Variants in WDR70 observed in about 807,000 individuals in gnomAD.
WDR70 encodes the protein WD repeat domain 70, also known as WD repeat-containing protein 70.
In WDR70, 53 loss-of-function variants were observed where a neutral mutation model predicts 88.6. That is an observed-to-expected ratio of 0.60 (90% CI 0.48 to 0.75). The LOEUF (loss-of-function observed/expected upper bound fraction) is 0.75, where lower values mean the gene tolerates loss of function less well. Ranked by LOEUF, WDR70 falls within the 30% of genes least tolerant of loss-of-function variation. The pLI, the probability that WDR70 is intolerant of heterozygous loss-of-function variation, is 0.00. For missense variants in WDR70, 610 were observed against 823.2 expected, an observed-to-expected ratio of 0.74 and a Z score of 3.17; for synonymous variants, 280 against 270.0, an observed-to-expected ratio of 1.04 and a Z score of -0.36.
intron 8 of WDR70, among the ~76,000 whole-genome samples, chr5:37,487,615 A>G (rs1238914743): frequency 4.7e-5 from 2 of 42,286 alleles, no homozygotes; most frequent in Non-Finnish European, 6.5e-5. Flanking sequence ...ATATATATAT[A>G]TATATATATG....
intron 13 of WDR70, among the ~76,000 whole-genome samples, chr5:37,717,129 T>C (rs1392773282): frequency 6.6e-6 from 1 of 152,208 alleles, no homozygotes; most frequent in African/African-American, 2.4e-5. Context: ...GAAAATGGGC[T>C]TTGGTTTAAA....
chr5:37,463,406 A>C (rs1476476268), intron 7 of WDR70, among the ~76,000 whole-genome samples: 3 of 152,142 alleles, frequency 2.0e-5, no homozygotes, highest in Admixed American at 1.3e-4. Context: ...CTACAGCAGG[A>C]CACCTTGGCT....
At chr5:37,729,711 G>A (rs1307521389) in intron 17 of WDR70, among the ~76,000 whole-genome samples, 1 of 152,166 alleles carries the variant, frequency 6.6e-6, no homozygotes, top group Non-Finnish European at 1.5e-5. Flanking sequence ...TTGAAATGCA[G>A]TTAGGTTCAT....
chr5:37,647,397 A>T (rs1745268867), intron 10 of WDR70, among the ~76,000 whole-genome samples: 1 of 152,166 alleles, frequency 6.6e-6, no homozygotes, highest in African/African-American at 2.4e-5. Flanking sequence ...TTGGTAAGGC[A>T]ATGTTTTCCT....
chr5:37,476,714 C>G (rs959458580), intron 7 of WDR70, among the ~76,000 whole-genome samples: 2 of 152,132 alleles, frequency 1.3e-5, no homozygotes, highest in African/African-American at 4.8e-5. Flanking sequence ...CCACACCTGG[C>G]TAATTTTTTG....
chr5:37,388,228 T>C (rs1329703548), intron 3 of WDR70, among the ~76,000 whole-genome samples: 2 of 151,886 alleles, frequency 1.3e-5, no homozygotes, highest in Non-Finnish European at 2.9e-5. Flanking sequence ...CAAGGAATTC[T>C]TCCTCAGCCC....
chr5:37,701,741 G>A (rs1372356121), intron 12 of WDR70, among the ~76,000 whole-genome samples: 1 of 145,430 alleles, frequency 6.9e-6, no homozygotes, highest in Non-Finnish European at 1.5e-5. Context: ...AGCCAAGATT[G>A]CGCCACTGCA....
intron 10 of WDR70, among the ~76,000 whole-genome samples, chr5:37,628,287 A>G (rs906861380): frequency 7.9e-5 from 12 of 152,242 alleles, no homozygotes; most frequent in Middle Eastern, 3.4e-3. Context: ...TCCAGTGCTG[A>G]GAGTGGGGTG....
chr5:37,749,406 C>T (rs1295269046), intron 17 of WDR70, among the ~76,000 whole-genome samples: 3 of 151,842 alleles, frequency 2.0e-5, no homozygotes, highest in Non-Finnish European at 4.4e-5. Flanking sequence ...ACATTGAGAA[C>T]ACAGAGAGGG....
chr5:37,675,022 A>T (rs1746157385), intron 10 of WDR70, among the ~76,000 whole-genome samples: 1 of 151,454 alleles, frequency 6.6e-6, no homozygotes, highest in Non-Finnish European at 1.5e-5. Context: ...TTGGCTGCAT[A>T]AATGTCTTCT....
chr5:37,485,291 C>T (rs555424461), intron 8 of WDR70, among the ~76,000 whole-genome samples: 160 of 152,228 alleles, frequency 1.1e-3, no homozygotes, highest in African/African-American at 3.7e-3. Flanking sequence ...GTGAACTCAC[C>T]TACTATTTTT....
chr5:37,582,476 T>C (rs1743246778), intron 9 of WDR70, among the ~76,000 whole-genome samples: 1 of 152,196 alleles, frequency 6.6e-6, no homozygotes, highest in African/African-American at 2.4e-5. Context: ...TATACAACCA[T>C]AGATTCACAC....
chr5:37,591,056 C>A (rs1188458257), intron 9 of WDR70, among the ~76,000 whole-genome samples: 4 of 152,182 alleles, frequency 2.6e-5, no homozygotes, highest in African/African-American at 9.6e-5. Context: ...AAAAAGGAGA[C>A]CAGGTGTGAT....
At chr5:37,394,030 C>T (rs55696904) in intron 4 of WDR70, among the ~76,000 whole-genome samples, 1 of 151,914 alleles carries the variant, frequency 6.6e-6, no homozygotes, top group Non-Finnish European at 1.5e-5. Context: ...TTGAGGGCTG[C>T]GGGAGGTGGC....
chr5:37,653,325 T>C lies in WDR70; in HGVS notation c.1093-44330T>C, dbSNP rs530044291. ...ATGGTGGATAAGCTTTTTGATGTGCTGCTGGATTCAGTTTGCCAGTATTTT... is the reference window on the plus strand; with the variant it reads ...ATGGTGGATAAGCTTTTTGATGTGCCGCTGGATTCAGTTTGCCAGTATTTT... On this transcript the variant is annotated intron_variant, in intron 10 of 17. Transcript: ENST00000265107. 1.7e-3 allele frequency among the ~76,000 whole-genome samples: 265 copies of C among 152,364 alleles called. 1 individual carries two copies. The highest frequency in any genetic ancestry group is 3.1e-3 in the Non-Finnish European group (212 of 68,028).
At chr5:37,412,115 T>C (rs1749544389) in intron 5 of WDR70, among the ~76,000 whole-genome samples, 1 of 152,038 alleles carries the variant, frequency 6.6e-6, no homozygotes, top group Non-Finnish European at 1.5e-5. Flanking sequence ...GGCTGGATGC[T>C]ATGGCACATG....
At chr5:37,616,264 G>A (rs372925578) in intron 10 of WDR70, among the ~76,000 whole-genome samples, 56 of 151,946 alleles carry the variant, frequency 3.7e-4, no homozygotes, top group Non-Finnish European at 5.2e-4. Flanking sequence ...CTACAGTCGC[G>A]CGCCACCATG....
intron 8 of WDR70, among the ~76,000 whole-genome samples, chr5:37,501,943 A>G (rs182346189): frequency 2.5e-4 from 38 of 152,206 alleles, no homozygotes; most frequent in African/African-American, 8.9e-4. Flanking sequence ...TTAGTTCCAT[A>G]TGAATTTTAG....
At chr5:37,633,082 T>A (rs894009714) in intron 10 of WDR70, among the ~76,000 whole-genome samples, 2 of 152,212 alleles carry the variant, frequency 1.3e-5, no homozygotes, top group African/African-American at 4.8e-5. Flanking sequence ...GGCTATTCCA[T>A]GTAAGTCTTA....
Sources: allele counts gnomAD v4.1 joint callset (sites outside exome capture counted in the v4.1 genomes callset), GRCh38; gene constraint gnomAD v4.1.1; transcripts MANE v1.5; gene names NCBI Gene and HGNC (gene_info 2026-07-23, HGNC 2026-07-21).